GRM1: variants seen among roughly 807,000 people sequenced by gnomAD.
GRM1 encodes glutamate metabotropic receptor 1, also known as metabotropic glutamate receptor 1.
A neutral mutation model predicts 90.9 loss-of-function variants in GRM1; 33 were observed. The observed-to-expected ratio is 0.36, with a 90% confidence interval of 0.28 to 0.49. The LOEUF (loss-of-function observed/expected upper bound fraction) is 0.49. GRM1 is among the 20% of genes least tolerant of loss of function. The probability of loss-of-function intolerance (pLI) is 0.99; values close to 1 mark genes in which losing one functional copy is unlikely to be tolerated. For synonymous variants in GRM1, 700 were observed against 613.2 expected (o/e 1.14, Z -2.09); for missense variants, 1,190 against 1,534.3 (o/e 0.78, Z 3.75).
intron 1 of GRM1, among the ~76,000 whole-genome samples, chr6:146,123,357 T>C (rs1776072142): frequency 1.3e-5 from 2 of 152,174 alleles, no homozygotes; most frequent in Admixed American, 1.3e-4. Context: ...TAGAGCAGCT[T>C]TGTAGGCAGA....
intron 3 of GRM1, among the ~76,000 whole-genome samples, chr6:146,332,585 C>T (rs188863403): frequency 7.9e-5 from 12 of 152,290 alleles, no homozygotes; most frequent in African/African-American, 2.9e-4. Context: ...TTTAATGGCC[C>T]ATATGGTTTG....
chr6:146,424,953 G>A (rs576431555), intron 7 of GRM1, among the ~76,000 whole-genome samples: 1 of 152,024 alleles, frequency 6.6e-6, no homozygotes, highest in Non-Finnish European at 1.5e-5. Context: ...TTTTGATTTC[G>A]AGTAGGCATC....
At chr6:146,428,686 T>G (rs1398209107) in intron 7 of GRM1, among the ~76,000 whole-genome samples, 1 of 152,214 alleles carries the variant, frequency 6.6e-6, no homozygotes, top group Non-Finnish European at 1.5e-5. Context: ...ATAATCATAT[T>G]TGTTATACCT....
At chr6:146,136,024 C>T (rs1776604976) in intron 1 of GRM1, among the ~76,000 whole-genome samples, 2 of 152,162 alleles carry the variant, frequency 1.3e-5, no homozygotes, top group African/African-American at 2.4e-5. Flanking sequence ...TAAGTGACAA[C>T]ATGCAAAACT....
intron 2 of GRM1, among the ~76,000 whole-genome samples, chr6:146,295,972 G>A (rs555296198): frequency 1.2e-4 from 18 of 152,238 alleles, no homozygotes; most frequent in Non-Finnish European, 2.2e-4. Context: ...AGAACATCCG[G>A]TATTTGGTTT....
intron 1 of GRM1, among the ~76,000 whole-genome samples, chr6:146,098,124 A>C (rs1776933637): frequency 1.3e-5 from 2 of 152,202 alleles, no homozygotes. Context: ...ATTTTAGCTG[A>C]TTTGACACCA....
intron 2 of GRM1, among the ~76,000 whole-genome samples, chr6:146,258,293 C>A (rs1273830780): frequency 6.6e-6 from 1 of 152,132 alleles, no homozygotes; most frequent in Non-Finnish European, 1.5e-5. Context: ...AAATATGTAT[C>A]ATGTGCCTAT....
At chr6:146,037,086 G>A (rs1790918513) in intron 1 of GRM1, among the ~76,000 whole-genome samples, 1 of 151,774 alleles carries the variant, frequency 6.6e-6, no homozygotes, top group Admixed American at 6.6e-5. Context: ...TTGTAAAATG[G>A]GAATTATAAT....
chr6:146,283,580 C>T (rs1400878336), intron 2 of GRM1, among the ~76,000 whole-genome samples: 2 of 152,186 alleles, frequency 1.3e-5, no homozygotes, highest in African/African-American at 4.8e-5. Flanking sequence ...CCTGTGTTAA[C>T]TCATGTATCC....
intron 1 of GRM1, among the ~76,000 whole-genome samples, chr6:146,103,137 T>C (rs945230241): frequency 6.6e-6 from 1 of 152,228 alleles, no homozygotes; most frequent in Non-Finnish European, 1.5e-5. Flanking sequence ...CAGATACTTT[T>C]ATACCAAACA....
Position 146,433,962 on chromosome 6 carries a change from G to A in GRM1, c.2751G>A (p.Val917=). 1.2e-6 allele frequency: 2 copies of A among 1,614,058 alleles called. No homozygotes were observed. Among genetic ancestry groups the A allele is most frequent in the Non-Finnish European group, 8.5e-7 (1 of 1,179,912 alleles). ...TGTGGCACCGCCTCTCTGTGCACGT[G>A]AAGACCAATGAGACGGCCTGCAACC... The part of the protein sequence containing the change: ...QHMWHRLSVH[V]KTNETACNQT... The change falls in exon 8 of 8, where the codon GTG becomes GTA. Residue 917 remains valine, a synonymous_variant. Coordinates refer to ENST00000282753, the MANE Select transcript of GRM1 (RefSeq NM_001278064.2).
chr6:146,252,741 G>A (rs1176823360), intron 2 of GRM1, among the ~76,000 whole-genome samples: 1 of 152,084 alleles, frequency 6.6e-6, no homozygotes, highest in Admixed American at 6.6e-5. Flanking sequence ...ACTATATGGT[G>A]CATTTAGAAT....
At chr6:146,185,193 T>A (rs1193770303) in intron 2 of GRM1, among the ~76,000 whole-genome samples, 1 of 152,228 alleles carries the variant, frequency 6.6e-6, no homozygotes, top group Non-Finnish European at 1.5e-5. Flanking sequence ...CCCTTTTTGA[T>A]CTGAACACAT....
At chr6:146,094,709 A>T (rs1776821261) in intron 1 of GRM1, among the ~76,000 whole-genome samples, 1 of 152,224 alleles carries the variant, frequency 6.6e-6, no homozygotes, top group Non-Finnish European at 1.5e-5. Context: ...GACTATAATT[A>T]TAATCTTGCA....
At chr6:146,262,650 C>A (rs1285781992) in intron 2 of GRM1, among the ~76,000 whole-genome samples, 1 of 151,756 alleles carries the variant, frequency 6.6e-6, no homozygotes, top group Non-Finnish European at 1.5e-5. Context: ...TATGTATATG[C>A]ATACCTATAT....
intron 2 of GRM1, among the ~76,000 whole-genome samples, chr6:146,285,870 C>T (rs1011786381): frequency 2.0e-5 from 3 of 152,128 alleles, no homozygotes; most frequent in African/African-American, 2.4e-5. Context: ...TAGTTCATAG[C>T]TTAATAGCTC....
At chr6:146,122,167 T>G (rs1194156596) in intron 1 of GRM1, among the ~76,000 whole-genome samples, 3 of 152,232 alleles carry the variant, frequency 2.0e-5, no homozygotes, top group Non-Finnish European at 2.9e-5. Flanking sequence ...AAATAATTTT[T>G]GTCTAGATAA....
intron 5 of GRM1, among the ~76,000 whole-genome samples, chr6:146,384,404 A>C (rs1257030550): frequency 6.6e-6 from 1 of 152,090 alleles, no homozygotes; most frequent in Non-Finnish European, 1.5e-5. Context: ...TTGGAAGGTC[A>C]TGTCTTAATA....
chr6:146,088,578 G>A (rs919334201), intron 1 of GRM1, among the ~76,000 whole-genome samples: 2 of 152,066 alleles, frequency 1.3e-5, no homozygotes, highest in Non-Finnish European at 2.9e-5. Context: ...GATATTTGAG[G>A]AAAGGAAGGT....
Sources: gnomAD v4.1 joint callset for allele counts (sites outside exome capture counted in the v4.1 genomes callset) on GRCh38, gnomAD v4.1.1 for gene constraint, MANE v1.5 for transcripts, NCBI Gene and HGNC (gene_info 2026-07-23, HGNC 2026-07-21) for gene names.